The following SMG6 variants were observed in gnomAD, a reference collection of about 807,000 sequenced individuals.
The protein encoded by SMG6 is SMG6 nonsense mediated mRNA decay factor, also known as telomerase-binding protein EST1A.
Under a neutral mutation model 142.2 loss-of-function variants are expected in SMG6, and 66 were observed. The observed-to-expected ratio is 0.46, with a 90% CI of 0.38 to 0.57. The LOEUF is 0.57. SMG6 is among the 20% of genes least tolerant of loss of function. SMG6 has a pLI of 0.00. For missense variants in SMG6, 1,793 were observed against 1,832.0 expected, an observed-to-expected ratio of 0.98 and a Z score of 0.39; for synonymous variants, 779 against 702.4, an observed-to-expected ratio of 1.11 and a Z score of -1.72.
rs1037913223 is a variant in SMG6 at position 2,085,193 on chromosome 17, A to G, written c.3534+532T>C. Among the ~76,000 whole-genome samples, 2 of 150,518 alleles carry G rather than the reference A, an allele frequency of 1.3e-5. No individual in the cohort carries two copies. The highest frequency in any genetic ancestry group is 3.0e-5 in the Non-Finnish European group (2 of 67,570). On this transcript the variant is annotated intron_variant, in intron 14 of 18. Coordinates refer to ENST00000263073, the MANE Select transcript of SMG6 (RefSeq NM_017575.5). This position sits in a 1 kb window ranked among gnomAD's most constrained non-coding sequence, Gnocchi z 4.1. ...ACACACACGAGTCTGGAGTGAAGCA[A>G]GGGCTACAGGAACAACCAAGGGCAA... is the stretch of plus-strand genomic sequence containing the variant.
chr17:2,066,893 G>A (rs2067967984), intron 16 of SMG6, among the ~76,000 whole-genome samples: 1 of 152,196 alleles, frequency 6.6e-6, no homozygotes, highest in African/African-American at 2.4e-5. Context: ...TCTGCACCAG[G>A]CGGGGCTTCT....
chr17:2,111,332 A>G (rs1414387662), intron 13 of SMG6, among the ~76,000 whole-genome samples: 1 of 152,144 alleles, frequency 6.6e-6, no homozygotes, highest in Non-Finnish European at 1.5e-5. Context: ...TAAGATGGTG[A>G]ATAGAAGACC....
At chr17:2,279,135 C>T (rs890614936) in intron 8 of SMG6, among the ~76,000 whole-genome samples, 5 of 152,176 alleles carry the variant, frequency 3.3e-5, no homozygotes, top group Non-Finnish European at 5.9e-5. Context: ...GATCAGGAAA[C>T]GCTTCCTTGA....
chr17:2,281,390 A>G (rs1048703861), intron 8 of SMG6, among the ~76,000 whole-genome samples: 7 of 152,042 alleles, frequency 4.6e-5, no homozygotes, highest in African/African-American at 7.2e-5. Flanking sequence ...TGGCCTCCCA[A>G]AGTGCTGGGA....
At chr17:2,244,363 AG>A (rs1260151351) in intron 9 of SMG6, among the ~76,000 whole-genome samples, 2 of 152,202 alleles carry the variant, frequency 1.3e-5, no homozygotes, top group Non-Finnish European at 2.9e-5. Context: ...CTAAGCCGGA[AG>A]GCAGAGGAAA....
At chr17:2,221,716 A>C (rs2073174156) in intron 10 of SMG6, among the ~76,000 whole-genome samples, 1 of 152,300 alleles carries the variant, frequency 6.6e-6, no homozygotes, top group African/African-American at 2.4e-5. Flanking sequence ...TTGCCATTCA[A>C]TCTTCATTGT....
intron 9 of SMG6, among the ~76,000 whole-genome samples, chr17:2,241,556 A>T (rs1239162264): frequency 6.6e-6 from 1 of 152,214 alleles, no homozygotes; most frequent in Non-Finnish European, 1.5e-5. Flanking sequence ...ATTATCTATT[A>T]TACTCATTAA....
intron 12 of SMG6, among the ~76,000 whole-genome samples, chr17:2,173,431 C>T (rs956360310): frequency 6.6e-6 from 1 of 152,190 alleles, no homozygotes; most frequent in Non-Finnish European, 1.5e-5. Flanking sequence ...AAACAAAAAC[C>T]TCATTCCTGG....
intron 13 of SMG6, among the ~76,000 whole-genome samples, chr17:2,128,891 AAG>A (rs1397526352): frequency 3.9e-5 from 6 of 152,004 alleles, no homozygotes; most frequent in Non-Finnish European, 5.9e-5. Context: ...AAAAGAAAGA[AAG>A]AAAGAAAATG....
chr17:2,099,130 G>A (rs943535132), intron 13 of SMG6, among the ~76,000 whole-genome samples: 2 of 152,108 alleles, frequency 1.3e-5, no homozygotes, highest in Non-Finnish European at 2.9e-5. Context: ...ATGAGTGATC[G>A]TGGGGGTCAG....
At chr17:2,121,131 C>A (rs142843839) in intron 13 of SMG6, among the ~76,000 whole-genome samples, 1 of 152,350 alleles carries the variant, frequency 6.6e-6, no homozygotes, top group African/African-American at 2.4e-5. Context: ...CACATCTAAT[C>A]TCTGACTCAG....
At chr17:2,171,765 C>A (rs193034280) in intron 13 of SMG6, among the ~76,000 whole-genome samples, 1 of 150,074 alleles carries the variant, frequency 6.7e-6, no homozygotes, top group East Asian at 1.9e-4. Context: ...CTCCCTATGT[C>A]CCTAGTATAT....
intron 13 of SMG6, among the ~76,000 whole-genome samples, chr17:2,111,152 C>T (rs1432121975): frequency 6.6e-6 from 1 of 152,106 alleles, no homozygotes; most frequent in Non-Finnish European, 1.5e-5. Flanking sequence ...CTATTCAAAC[C>T]ACCAGGAATA....
In SMG6 at chr17:2,295,339, G is replaced by A. The variant is rs114818295; in HGVS notation, c.2151+1904C>T. On this transcript the variant is annotated intron_variant, in intron 4 of 18. Coordinates refer to ENST00000263073, the MANE Select transcript of SMG6 (RefSeq NM_017575.5). ...ATCTTAAAACAAAAACTGGCCAGGC[G>A]TGGTACAGACAAAAAAAACGAAAAA... 1.5e-3 allele frequency among the ~76,000 whole-genome samples: 234 copies of A among 152,170 alleles called. 1 individual carries two copies. The highest frequency in any genetic ancestry group is 5.1e-3 in the African/African-American group (210 of 41,508).
At chr17:2,061,718 GTGCCACGC>G (rs2067786310) in intron 18 of SMG6, 96 bp from the exon 19 acceptor site, 7 of 1,378,102 alleles carry the variant, frequency 5.1e-6, no homozygotes, top group Non-Finnish European at 6.9e-6. Context: ...TGGGGAGGGG[GTGCCACGC>G]TAGCCGTGTC....
intron 8 of SMG6, among the ~76,000 whole-genome samples, chr17:2,249,107 A>C (rs981515409): frequency 7.9e-5 from 12 of 150,948 alleles, no homozygotes; most frequent in Non-Finnish European, 1.2e-4. Context: ...GTTAGCCAGG[A>C]TGGTCTCAAT....
intron 13 of SMG6, chr17:2,127,375 A>T (rs908867419): frequency 4.9e-6 from 3 of 614,014 alleles, no homozygotes; most frequent in Non-Finnish European, 9.3e-6. Flanking sequence ...CACTTAAGAA[A>T]TGGTTGAAAT....
chr17:2,269,858 A>C (rs1293387152), intron 8 of SMG6, among the ~76,000 whole-genome samples: 1 of 152,158 alleles, frequency 6.6e-6, no homozygotes, highest in Non-Finnish European at 1.5e-5. Context: ...CTCGCAGCTA[A>C]TATCTGATAA....
At chr17:2,219,586 T>C (rs780317419) in intron 10 of SMG6, among the ~76,000 whole-genome samples, 2 of 151,448 alleles carry the variant, frequency 1.3e-5, no homozygotes, top group Non-Finnish European at 2.9e-5. Context: ...CCCAGGAGTT[T>C]GAGGCCAGCC....
Sources: allele counts gnomAD v4.1 joint callset (sites outside exome capture counted in the v4.1 genomes callset), GRCh38; gene constraint gnomAD v4.1.1; non-coding constraint Gnocchi (gnomAD v3.1); transcripts MANE v1.5; gene names NCBI Gene and HGNC (gene_info 2026-07-23, HGNC 2026-07-21).